ABCA13: variants seen among roughly 807,000 people sequenced by gnomAD.
The protein encoded by ABCA13 is ATP binding cassette subfamily A member 13.
ABCA13 carries 476 observed loss-of-function variants against 478.7 expected under a neutral mutation model. The ratio of observed to expected loss-of-function variants is 0.99; its 90% CI spans 0.92 to 1.07. ABCA13 has a LOEUF of 1.07. Ranked by LOEUF, ABCA13 falls within the 50% of genes least tolerant of loss-of-function variation. The pLI is 0.00. For synonymous variants in ABCA13, 2,252 were observed against 2,158.9 expected, an observed-to-expected ratio of 1.04 and a Z score of -1.20; for missense variants, 6,060 against 5,910.6, an observed-to-expected ratio of 1.03 and a Z score of -0.83.
intron 55 of ABCA13, among the ~76,000 whole-genome samples, chr7:48,543,984 AATAT>A: frequency 6.6e-6 from 1 of 151,896 alleles, no homozygotes; most frequent in African/African-American, 2.4e-5. Context: ...TTTAAATGAA[AATAT>A]ATTTATTCTA....
chr7:48,403,543 G>C, intron 38 of ABCA13, 140 bp from the exon 39 acceptor site: 1 of 835,990 alleles, frequency 1.2e-6, no homozygotes, highest in Non-Finnish European at 1.9e-6. Flanking sequence ...AGACTCACGT[G>C]TGTGTAGCAT....
At chr7:48,204,624 C>A (rs1221584740) in intron 3 of ABCA13, among the ~76,000 whole-genome samples, 2 of 152,180 alleles carry the variant, frequency 1.3e-5, no homozygotes, top group Admixed American at 6.5e-5. Flanking sequence ...TGGGGCCCTC[C>A]ACAATGATGA....
chr7:48,638,574 A>G (rs992793171), intron 59 of ABCA13, among the ~76,000 whole-genome samples: 5 of 152,204 alleles, frequency 3.3e-5, no homozygotes, highest in Admixed American at 3.3e-4. Context: ...TTGGGTCTGT[A>G]ATCCTCACAG....
intron 51 of ABCA13, among the ~76,000 whole-genome samples, chr7:48,512,696 A>C (rs1035066147): frequency 3.0e-4 from 46 of 152,278 alleles, no homozygotes; most frequent in African/African-American, 1.1e-3. Context: ...CGCTTTTAGA[A>C]ATTTTTATTA....
intron 55 of ABCA13, among the ~76,000 whole-genome samples, chr7:48,541,991 A>G (rs2131134091): frequency 6.6e-6 from 1 of 151,710 alleles, no homozygotes; most frequent in South Asian, 2.1e-4. Context: ...ACAAAACTGT[A>G]TAAATACGTT....
chr7:48,377,289 C>T (rs947808728), intron 35 of ABCA13, among the ~76,000 whole-genome samples: 4 of 151,670 alleles, frequency 2.6e-5, no homozygotes, highest in Non-Finnish European at 5.9e-5. Context: ...GGTTCAGGCC[C>T]GAAAGAGCAG....
At chr7:48,592,046 A>C (rs1215326240) in intron 57 of ABCA13, among the ~76,000 whole-genome samples, 1 of 151,824 alleles carries the variant, frequency 6.6e-6, no homozygotes, top group Non-Finnish European at 1.5e-5. Flanking sequence ...TTAGATTTGA[A>C]GTTTTTAGCT....
intron 55 of ABCA13, among the ~76,000 whole-genome samples, chr7:48,531,255 C>T (rs1833211148): frequency 6.6e-6 from 1 of 152,052 alleles, no homozygotes; most frequent in African/African-American, 2.4e-5. Context: ...TGTCCTTTCC[C>T]ATCTTTATGT....
chr7:48,277,835 T>A (rs115881982), intron 17 of ABCA13, among the ~76,000 whole-genome samples: 2,178 of 152,270 alleles, frequency 0.014, 20 homozygotes, highest in Middle Eastern at 0.055. Flanking sequence ...AAGCAAAAGT[T>A]TGTGGCTTTT....
chr7:48,361,096 GAA>G (rs74486985), intron 31 of ABCA13, among the ~76,000 whole-genome samples: 3 of 131,492 alleles, frequency 2.3e-5, no homozygotes, highest in Admixed American at 7.6e-5. Flanking sequence ...ACCCTGTTTG[GAA>G]AAAAAAAAAA....
Position 48,269,064 on chromosome 7 carries a change from T to C in ABCA13, c.2090T>C (p.Leu697Ser), listed in dbSNP as rs1795253696. The change falls in exon 16 of 62, where the codon TTA becomes TCA. Residue 697 changes from leucine to serine, a missense_variant. Leu to Ser is a moderately radical substitution (Grantham distance 145, BLOSUM62 -2). This residue lies in a region of ABCA13 where 4,423 missense variants were observed against 4,309.1 expected (regional missense o/e 1.03). Coordinates refer to ENST00000435803, the MANE Select transcript of ABCA13 (RefSeq NM_152701.5). ...AATTATTTTCAATTTTTGAATAACT[T>C]ACTCAAGTCTCCAACAGCTTCCATA... is the stretch of plus-strand genomic sequence containing the variant. ...SDNYFQFLNN[L>S]LKSPTASISR... The C allele has an allele frequency of 6.3e-7, 1 of 1,589,976 alleles. No individual in the cohort carries two copies. The highest frequency in any genetic ancestry group is 1.3e-5 in the African/African-American group (1 of 74,402).
At chr7:48,444,608 C>A (rs1824040251) in intron 42 of ABCA13, among the ~76,000 whole-genome samples, 1 of 152,138 alleles carries the variant, frequency 6.6e-6, no homozygotes, top group Non-Finnish European at 1.5e-5. Context: ...CTCAGGCAGT[C>A]CCTGAGCTCT....
intron 48 of ABCA13, among the ~76,000 whole-genome samples, chr7:48,504,674 G>A (rs949307623): frequency 2.6e-5 from 4 of 152,064 alleles, no homozygotes; most frequent in Non-Finnish European, 4.4e-5. Flanking sequence ...TCATTCTTAC[G>A]TAGAGTCTAG....
At chr7:48,620,247 A>AC (rs11387703) in intron 59 of ABCA13, among the ~76,000 whole-genome samples, 103,653 of 151,880 alleles carry the variant, frequency 0.68, 35,690 homozygotes, top group African/African-American at 0.74. Context: ...AGTAACAAAA[A>AC]ATCACTACAG....
At chr7:48,290,565 C>G (rs987971385) in intron 20 of ABCA13, among the ~76,000 whole-genome samples, 4 of 152,132 alleles carry the variant, frequency 2.6e-5, no homozygotes, top group African/African-American at 9.7e-5. Context: ...AGAATGTGCA[C>G]TTTTCTACTT....
intron 15 of ABCA13, among the ~76,000 whole-genome samples, chr7:48,260,428 G>A (rs903943845): frequency 2.0e-5 from 3 of 152,018 alleles, no homozygotes; most frequent in Non-Finnish European, 2.9e-5. Context: ...CTCCAGCAGT[G>A]TATACCTTTA....
At chr7:48,466,147 T>C (rs1826852837) in intron 43 of ABCA13, among the ~76,000 whole-genome samples, 1 of 152,202 alleles carries the variant, frequency 6.6e-6, no homozygotes, top group Non-Finnish European at 1.5e-5. Flanking sequence ...TTAAATGAGC[T>C]CATTCTCATT....
At chr7:48,634,946 T>A (rs1443888297) in intron 59 of ABCA13, among the ~76,000 whole-genome samples, 1 of 152,082 alleles carries the variant, frequency 6.6e-6, no homozygotes, top group East Asian at 1.9e-4. Flanking sequence ...TTCAACAATA[T>A]CATGGGCATA....
chr7:48,312,944 T>C (rs1399086733), intron 24 of ABCA13, 123 bp from the exon 25 acceptor site: 2 of 1,028,390 alleles, frequency 1.9e-6, no homozygotes, highest in Non-Finnish European at 2.7e-6. Context: ...CGCAAAGGCG[T>C]CTCTGAAGTT....
Sources: gnomAD v4.1 joint callset for allele counts (sites outside exome capture counted in the v4.1 genomes callset) on GRCh38, gnomAD v4.1.1 for gene constraint, gnomAD v4.1.1 regional missense constraint, MANE v1.5 for transcripts, NCBI Gene and HGNC (gene_info 2026-07-23, HGNC 2026-07-21) for gene names.